SGCZ: variants seen among roughly 807,000 people sequenced by gnomAD.
SGCZ encodes the protein zeta-sarcoglycan.
SGCZ carries 40 observed loss-of-function variants against 41.3 expected under a neutral mutation model. The observed-to-expected ratio is 0.97, with a 90% CI of 0.75 to 1.26. The LOEUF (loss-of-function observed/expected upper bound fraction) is 1.26. SGCZ is among the 50% of genes most tolerant of loss of function. The pLI is 0.00. For synonymous variants in SGCZ, 206 were observed against 137.5 expected, an observed-to-expected ratio of 1.50 and a Z score of -3.49; for missense variants, 552 against 369.8, an observed-to-expected ratio of 1.49 and a Z score of -4.04.
At chr8:14,592,551 T>C (rs1261339478) in intron 1 of SGCZ, among the ~76,000 whole-genome samples, 1 of 152,124 alleles carries the variant, frequency 6.6e-6, no homozygotes, top group South Asian at 2.1e-4. Context: ...ATGCATATTA[T>C]TGAGTCTTAA....
intron 1 of SGCZ, among the ~76,000 whole-genome samples, chr8:14,636,820 T>C (rs1431592800): frequency 6.6e-6 from 1 of 151,838 alleles, no homozygotes; most frequent in African/African-American, 2.4e-5. Context: ...TTTAAATAAA[T>C]AGCCTTAAAA....
intron 2 of SGCZ, among the ~76,000 whole-genome samples, chr8:14,508,575 TG>T (rs1243718836): frequency 1.3e-5 from 2 of 152,080 alleles, no homozygotes; most frequent in African/African-American, 4.8e-5. Context: ...TCCATATCAA[TG>T]GGGAAAATGA....
chr8:14,487,710 C>T (rs967162339), intron 2 of SGCZ: 4 of 152,206 alleles, frequency 2.6e-5, no homozygotes, highest in African/African-American at 9.6e-5. Context: ...AATTAGTAAT[C>T]TCAGAATTAC....
chr8:14,774,430 T>C (rs1800339710), intron 1 of SGCZ, among the ~76,000 whole-genome samples: 3 of 152,194 alleles, frequency 2.0e-5, no homozygotes, highest in Admixed American at 6.5e-5. Context: ...AGTTCATGCT[T>C]CCTTCAGTTA....
At chr8:14,856,616 A>G (rs1354337043) in intron 1 of SGCZ, among the ~76,000 whole-genome samples, 1 of 152,138 alleles carries the variant, frequency 6.6e-6, no homozygotes, top group Non-Finnish European at 1.5e-5. Flanking sequence ...TCCCCCAAAT[A>G]AAGACTGTGA....
chr8:14,425,514 G>A (rs1243966881), intron 2 of SGCZ, among the ~76,000 whole-genome samples: 3 of 151,904 alleles, frequency 2.0e-5, no homozygotes, highest in Admixed American at 6.6e-5. Context: ...CCAGATACTC[G>A]GGAGGCTGAG....
At chr8:15,235,327 C>T (rs1472131899) in intron 1 of SGCZ, among the ~76,000 whole-genome samples, 4 of 152,198 alleles carry the variant, frequency 2.6e-5, no homozygotes, top group African/African-American at 9.7e-5. Flanking sequence ...ATTCCCAAAA[C>T]TGGAGGATCT....
chr8:15,167,824 C>G (rs891140740), intron 1 of SGCZ, among the ~76,000 whole-genome samples: 2 of 152,242 alleles, frequency 1.3e-5, no homozygotes, highest in Non-Finnish European at 2.9e-5. Context: ...CCAGCAACCT[C>G]TGGCTGTAGA....
At chr8:14,135,845 C>CA (rs1803180687) in intron 5 of SGCZ, among the ~76,000 whole-genome samples, 2 of 151,518 alleles carry the variant, frequency 1.3e-5, no homozygotes, top group Admixed American at 6.6e-5. Context: ...AAAATCAGAC[C>CA]AAAAAACAGT....
chr8:14,884,328 G>T (rs1804706318), intron 1 of SGCZ, among the ~76,000 whole-genome samples: 1 of 152,042 alleles, frequency 6.6e-6, no homozygotes, highest in Admixed American at 6.6e-5. Context: ...GTTTTACAAT[G>T]ACACTGAGTT....
At chr8:14,943,726 C>G (rs1181442854) in intron 1 of SGCZ, among the ~76,000 whole-genome samples, 1 of 152,158 alleles carries the variant, frequency 6.6e-6, no homozygotes, top group African/African-American at 2.4e-5. Context: ...CCTCTCCCAT[C>G]TTCCAAACTT....
intron 1 of SGCZ, among the ~76,000 whole-genome samples, chr8:15,026,369 C>A (rs992185161): frequency 2.0e-5 from 3 of 152,034 alleles, no homozygotes; most frequent in African/African-American, 7.2e-5. Flanking sequence ...AGAAAAGAGT[C>A]CTAAATTTTT....
rs549638587 is a variant in SGCZ at position 14,318,951 on chromosome 8, A to G, written c.336+5152T>C. On this transcript the variant is annotated intron_variant, in intron 3 of 7. Transcript: ENST00000382080. ...GATTCACTATTATACAAAAAAAAAT[A>G]TGAATTAGAGAGCGTAAGGGCAAAA... 2.8e-3 allele frequency among the ~76,000 whole-genome samples: 423 copies of G among 150,912 alleles called. 3 individuals carry two copies. The highest frequency in any genetic ancestry group is 9.9e-3 in the African/African-American group (406 of 41,110).
intron 3 of SGCZ, among the ~76,000 whole-genome samples, chr8:14,254,452 C>T (rs1462112453): frequency 1.3e-5 from 2 of 152,100 alleles, no homozygotes; most frequent in Non-Finnish European, 2.9e-5. Context: ...GTAGGTAGAG[C>T]ATTAGGGATA....
At chr8:14,910,129 A>C (rs1799239725) in intron 1 of SGCZ, among the ~76,000 whole-genome samples, 1 of 152,084 alleles carries the variant, frequency 6.6e-6, no homozygotes, top group Non-Finnish European at 1.5e-5. Context: ...GCATTCTATA[A>C]AACTTATGAC....
intron 3 of SGCZ, among the ~76,000 whole-genome samples, chr8:14,286,428 C>G (rs1214324240): frequency 6.6e-6 from 1 of 151,400 alleles, no homozygotes; most frequent in Admixed American, 6.6e-5. Context: ...ACATAGATAA[C>G]TCAGCTGGGA....
intron 1 of SGCZ, among the ~76,000 whole-genome samples, chr8:14,831,630 A>ATGTGTGTG (rs375068979): frequency 7.4e-6 from 1 of 135,134 alleles, no homozygotes; most frequent in South Asian, 2.1e-4. Context: ...ACATAGACAC[A>ATGTGTGTG]TATGTGTGTG....
At chr8:14,851,327 C>T (rs1563314935) in intron 1 of SGCZ, among the ~76,000 whole-genome samples, 1 of 137,320 alleles carries the variant, frequency 7.3e-6, no homozygotes, top group Non-Finnish European at 1.5e-5. Flanking sequence ...CAAGATCATG[C>T]CACTGCACTC....
chr8:15,167,848 G>A (rs999559574), intron 1 of SGCZ, among the ~76,000 whole-genome samples: 6 of 152,170 alleles, frequency 3.9e-5, no homozygotes, highest in Non-Finnish European at 2.9e-5. Context: ...GAAAGAACAC[G>A]AGGGATGGGT....
Sources: allele counts gnomAD v4.1 joint callset (sites outside exome capture counted in the v4.1 genomes callset), GRCh38; gene constraint gnomAD v4.1.1; transcripts MANE v1.5; gene names NCBI Gene and HGNC (gene_info 2026-07-23, HGNC 2026-07-21).